ZNF536: variants seen among roughly 807,000 people sequenced by gnomAD.
The protein encoded by ZNF536 is zinc finger protein 536.
ZNF536 carries 13 observed loss-of-function variants against 84.5 expected under a neutral mutation model. The observed-to-expected ratio is 0.15, with a 90% CI of 0.10 to 0.24. The LOEUF (loss-of-function observed/expected upper bound fraction) is 0.24, where lower values mean the gene tolerates loss of function less well. ZNF536 is among the 10% of genes least tolerant of loss of function. ZNF536 has a pLI of 1.00. For missense variants in ZNF536, 1,536 were observed against 1,747.5 expected, an observed-to-expected ratio of 0.88 and a Z score of 2.16; for synonymous variants, 811 against 742.5, an observed-to-expected ratio of 1.09 and a Z score of -1.50.
chr19:30,601,859 G>C (rs1327536826), intron 1 of ZNF536, among the ~76,000 whole-genome samples: 1 of 152,150 alleles, frequency 6.6e-6, no homozygotes, highest in Non-Finnish European at 1.5e-5. Flanking sequence ...GCTAGGATGG[G>C]GTATTAGCAG....
intron 1 of ZNF536, among the ~76,000 whole-genome samples, chr19:30,642,592 C>T (rs2049305885): frequency 6.6e-6 from 1 of 152,110 alleles, no homozygotes; most frequent in East Asian, 1.9e-4. Context: ...AGCTGAGCCT[C>T]GGGCTGTCAT....
chr19:30,324,066 A>ATTC (rs1234523347), intron 2 of ZNF536, among the ~76,000 whole-genome samples: 1 of 151,428 alleles, frequency 6.6e-6, no homozygotes, highest in Non-Finnish European at 1.5e-5. Context: ...GTATCTACTT[A>ATTC]TTCATCATCA....
chr19:30,606,301 AAAATAAAAT>A (rs2047888900), intron 1 of ZNF536, among the ~76,000 whole-genome samples: 1 of 141,180 alleles, frequency 7.1e-6, no homozygotes, highest in African/African-American at 2.6e-5. Flanking sequence ...TAAATAAAAT[AAAATAAAAT>A]AAAATAAAAA....
chr19:30,316,410 G>A (rs984825626), intron 2 of ZNF536, among the ~76,000 whole-genome samples: 1 of 152,120 alleles, frequency 6.6e-6, no homozygotes, highest in Admixed American at 6.5e-5. Flanking sequence ...CCACTCTAAT[G>A]ACTTCTATAA....
At chr19:30,631,394 T>G (rs1343293027) in intron 1 of ZNF536, among the ~76,000 whole-genome samples, 1 of 152,208 alleles carries the variant, frequency 6.6e-6, no homozygotes, top group African/African-American at 2.4e-5. Flanking sequence ...GCCGAGAGGC[T>G]GGCCCAGTCT....
Position 30,266,820 on chromosome 19 carries a change from A to AT in ZNF536, c.-189-17244dup, listed in dbSNP as rs1326828389. Reference sequence around the variant, plus strand: ...AATGCATTTTAATTAAAATTAACGGATTTTTTTTCTTGATCATATTTTAAC... The same window carrying AT: ...AATGCATTTTAATTAAAATTAACGGATTTTTTTTTCTTGATCATATTTTAAC... On this transcript the variant is annotated intron_variant, in intron 1 of 5. Transcript: ENST00000585628. Among the ~76,000 whole-genome samples the AT allele has an allele frequency of 4.6e-5, 7 of 151,966 alleles. No individual in the cohort carries two copies. In the East Asian group the frequency reaches 5.8e-4, roughly 13 times the overall value.
intron 2 of ZNF536, among the ~76,000 whole-genome samples, chr19:30,495,985 C>A (rs951751745): frequency 1.3e-5 from 2 of 152,192 alleles, no homozygotes. Flanking sequence ...GCTTGTACTG[C>A]AACAGCCTCC....
intron 2 of ZNF536, among the ~76,000 whole-genome samples, chr19:30,346,973 G>A (rs914353691): frequency 6.6e-6 from 1 of 152,142 alleles, no homozygotes; most frequent in African/African-American, 2.4e-5. Flanking sequence ...CAGTGTGTAA[G>A]CATTCCTTTT....
intron 1 of ZNF536, among the ~76,000 whole-genome samples, chr19:30,413,094 T>C (rs1353385241): frequency 2.0e-5 from 3 of 152,144 alleles, no homozygotes; most frequent in Non-Finnish European, 4.4e-5. Flanking sequence ...ATGTTGTTTG[T>C]GTTTTCTCTT....
chr19:30,696,443 T>A (rs2051662090), intron 1 of ZNF536, among the ~76,000 whole-genome samples: 1 of 152,234 alleles, frequency 6.6e-6, no homozygotes, highest in Non-Finnish European at 1.5e-5. Flanking sequence ...AAAAACGGAA[T>A]GTAAGTTCAT....
Position 30,557,600 on chromosome 19 carries a change from T to G in ZNF536, c.*436T>G, listed in dbSNP as rs562717796. ...GTGGGTATTACTGCTTGTGTCTGAT[T>G]GTCCTGTATTTTGTAACACTTTAGA... On this transcript the variant is annotated 3_prime_UTR_variant, in exon 5 of 5. Transcript: ENST00000355537. 6.3e-6 allele frequency: 1 copy of G among 157,764 alleles called. No individual in the cohort carries two copies. The highest frequency in any genetic ancestry group is 1.8e-4 in the East Asian group (1 of 5,498). 9.8% of individuals were successfully genotyped at this position (157,764 alleles called of 1,614,324 possible).
At chr19:30,265,572 G>C (rs2025466344) in intron 1 of ZNF536, among the ~76,000 whole-genome samples, 1 of 152,178 alleles carries the variant, frequency 6.6e-6, no homozygotes, top group South Asian at 2.1e-4. Flanking sequence ...GGCAGGAACT[G>C]GGGAGACGCA....
chr19:30,333,181 A>G (rs7408916), intron 2 of ZNF536, among the ~76,000 whole-genome samples: 2 of 100,040 alleles, frequency 2.0e-5, no homozygotes, highest in Admixed American at 1.1e-4. Context: ...AAGTAAGTAA[A>G]TAAATAAATA....
At chr19:30,554,394 T>A (rs904915751) in intron 4 of ZNF536, 2 of 151,740 alleles carry the variant, frequency 1.3e-5, no homozygotes, top group Non-Finnish European at 2.9e-5. Context: ...TAGCTGGGAT[T>A]ACAGGTGCAC....
chr19:30,618,144 T>G (rs1327339222), intron 1 of ZNF536, among the ~76,000 whole-genome samples: 1 of 152,236 alleles, frequency 6.6e-6, no homozygotes, highest in African/African-American at 2.4e-5. Context: ...TTTTTGTATT[T>G]GTTTTTGTTT....
intron 1 of ZNF536, among the ~76,000 whole-genome samples, chr19:30,588,318 G>A (rs185028023): frequency 1.1e-3 from 172 of 152,332 alleles, no homozygotes; most frequent in African/African-American, 4.0e-3. Context: ...AGATACATAT[G>A]TGGTCATGAC....
chr19:30,446,296 AAG>A (rs2052344692), intron 2 of ZNF536, among the ~76,000 whole-genome samples: 1 of 151,058 alleles, frequency 6.6e-6, no homozygotes, highest in East Asian at 1.9e-4. Context: ...AGAAAGAAAA[AAG>A]AAAGTTGTGC....
chr19:30,386,197 C>G (rs2049334192), intron 1 of ZNF536, among the ~76,000 whole-genome samples: 1 of 152,152 alleles, frequency 6.6e-6, no homozygotes, highest in Non-Finnish European at 1.5e-5. Context: ...CTCCAGAAAA[C>G]TCCCTTTCAT....
chr19:30,422,851 A>T (rs1434029431), intron 1 of ZNF536, among the ~76,000 whole-genome samples: 2 of 110,638 alleles, frequency 1.8e-5, no homozygotes, highest in East Asian at 5.4e-4. Flanking sequence ...CCATCCATCC[A>T]TCCAACCATC....
Sources: allele counts gnomAD v4.1 joint callset (sites outside exome capture counted in the v4.1 genomes callset), GRCh38; gene constraint gnomAD v4.1.1; transcripts MANE v1.5; gene names NCBI Gene and HGNC (gene_info 2026-07-23, HGNC 2026-07-21).